Variants in SNX6 observed in about 807,000 individuals in gnomAD.
The protein encoded by SNX6 is sorting nexin 6.
A neutral mutation model predicts 63.0 loss-of-function variants in SNX6; 34 were observed. The observed-to-expected ratio is 0.54, with a 90% CI of 0.41 to 0.72. The LOEUF (loss-of-function observed/expected upper bound fraction) is 0.72, where lower values mean the gene tolerates loss of function less well. SNX6 is among the 30% of genes least tolerant of loss of function. The pLI, the probability that SNX6 is intolerant of heterozygous loss-of-function variation, is 0.00. For synonymous variants in SNX6, 170 were observed against 164.2 expected, an observed-to-expected ratio of 1.04 and a Z score of -0.27; for missense variants, 398 against 471.4, an observed-to-expected ratio of 0.84 and a Z score of 1.44.
chr14:34,607,864 C>T (rs1453471402), intron 4 of SNX6, among the ~76,000 whole-genome samples, 166 bp downstream of exon 4: 2 of 151,992 alleles, frequency 1.3e-5, no homozygotes, highest in South Asian at 2.1e-4. Flanking sequence ...GCCGAGACTG[C>T]GTCACTACAC....
At chr14:34,572,749 C>G (rs559035673) in intron 11 of SNX6, among the ~76,000 whole-genome samples, 5 of 151,906 alleles carry the variant, frequency 3.3e-5, no homozygotes, top group Admixed American at 6.6e-5. Context: ...GGCGCGATCT[C>G]GGCTCACTGC....
intron 8 of SNX6, among the ~76,000 whole-genome samples, chr14:34,587,341 G>C (rs991712884): frequency 6.6e-6 from 1 of 151,728 alleles, no homozygotes; most frequent in Non-Finnish European, 1.5e-5. Flanking sequence ...GACCATCCTG[G>C]CTAACACGGT....
chr14:34,564,948 C>T (rs554753789), intron 13 of SNX6, among the ~76,000 whole-genome samples: 62 of 152,006 alleles, frequency 4.1e-4, no homozygotes, highest in Middle Eastern at 6.9e-3. Flanking sequence ...GTTTCAACAA[C>T]TCCATTATGC....
chr14:34,627,150 T>TA (rs1010702391), intron 2 of SNX6, among the ~76,000 whole-genome samples: 11 of 151,552 alleles, frequency 7.3e-5, no homozygotes, highest in African/African-American at 2.2e-4. Flanking sequence ...TGCCTAAGTT[T>TA]AAAAAAAAAT....
At chr14:34,563,615 G>A (rs757747175) in intron 13 of SNX6, among the ~76,000 whole-genome samples, 9 of 151,254 alleles carry the variant, frequency 6.0e-5, no homozygotes, top group African/African-American at 1.5e-4. Context: ...TGACTTTATC[G>A]ATATATTAGA....
chr14:34,584,746 GA>G (rs201926833), intron 9 of SNX6, among the ~76,000 whole-genome samples: 51 of 150,350 alleles, frequency 3.4e-4, no homozygotes, highest in Admixed American at 4.6e-4. Context: ...TGGGGAGGAA[GA>G]AAAAAAAATA....
intron 11 of SNX6, among the ~76,000 whole-genome samples, chr14:34,573,831 C>T (rs1363459100): frequency 1.3e-5 from 2 of 151,296 alleles, no homozygotes; most frequent in Non-Finnish European, 2.9e-5. Flanking sequence ...TTAGTAGAGA[C>T]GGGGTTTCAC....
chr14:34,625,461 G>C (rs941377690), intron 2 of SNX6, among the ~76,000 whole-genome samples: 2 of 152,042 alleles, frequency 1.3e-5, no homozygotes, highest in Non-Finnish European at 2.9e-5. Context: ...GGCCGGGCGC[G>C]GTGGCTCACA....
chr14:34,593,190 T>G, intron 7 of SNX6, 40 bp from the exon 8 acceptor site: 1 of 1,282,996 alleles, frequency 7.8e-7, no homozygotes, highest in Non-Finnish European at 1.1e-6. Context: ...TTTCACTTAT[T>G]TGCTTTAGTT....
chr14:34,603,245 C>G, intron 6 of SNX6, 103 bp downstream of exon 6: 1 of 1,121,648 alleles, frequency 8.9e-7, no homozygotes, highest in Non-Finnish European at 1.2e-6. Flanking sequence ...GCCACTATGC[C>G]ACTGTACTCC....
chr14:34,596,858 C>T (rs1225153380), intron 7 of SNX6, among the ~76,000 whole-genome samples: 2 of 151,744 alleles, frequency 1.3e-5, no homozygotes, highest in South Asian at 2.1e-4. Flanking sequence ...TTAGTAGAGA[C>T]GGGGTTTCAC....
chr14:34,593,738 A>ATT (rs200541680), intron 7 of SNX6, among the ~76,000 whole-genome samples: 128 of 144,270 alleles, frequency 8.9e-4, no homozygotes, highest in East Asian at 1.2e-3. Flanking sequence ...CGCCCAGCTA[A>ATT]TTTTTTTTTT....
rs762864087 is a variant in SNX6, at chr14:34,603,415, C to A, written c.449G>T (p.Arg150Leu). The A allele has an allele frequency of 6.2e-6, 10 of 1,609,824 alleles. No homozygotes were observed. Among genetic ancestry groups the A allele is most frequent in the African/African-American group, 1.3e-5 (1 of 74,850 alleles). Residue 150 changes from arginine to leucine, a missense_variant, in exon 6 of 14, where the codon CGT (arginine) becomes CTT (leucine). Coordinates refer to ENST00000362031, the MANE Select transcript of SNX6 (RefSeq NM_152233.4). ...TVAMHEVFLC[R>L]VAAHPILRRD... ...TCTCAAAATAGGATGTGCTGCCACA[C>A]GACACAGGAACACTTCATGCATCGC...
chr14:34,562,887 A>G lies in SNX6; in HGVS notation c.*235T>C. 1 of 506,848 alleles carries G rather than the reference A, an allele frequency of 2.0e-6. No homozygotes were observed. The highest frequency in any genetic ancestry group is 3.2e-5 in the East Asian group (1 of 31,070). 31.4% of individuals were successfully genotyped at this position (506,848 alleles called of 1,614,324 possible). A position where few individuals can be genotyped will look rare whatever the true frequency, so the allele number is the denominator to read the frequency against. On this transcript the variant is annotated 3_prime_UTR_variant, in exon 14 of 14. Coordinates refer to ENST00000362031, the MANE Select transcript of SNX6 (RefSeq NM_152233.4). ...AATGAACTTTGGACTTCTGAGTATG[A>G]CGAGTGCACGATGATGGACCACTGT... is the stretch of plus-strand genomic sequence containing the variant.
At chr14:34,574,850 G>A (rs1205320923) in intron 11 of SNX6, among the ~76,000 whole-genome samples, 2 of 150,340 alleles carry the variant, frequency 1.3e-5, no homozygotes, top group Non-Finnish European at 3.0e-5. Flanking sequence ...AAGCCACTGC[G>A]CCCGGCCAGC....
chr14:34,581,441 G>A (rs1335301226), intron 10 of SNX6, 120 bp downstream of exon 10: 3 of 520,938 alleles, frequency 5.8e-6, no homozygotes, highest in East Asian at 2.8e-5. Flanking sequence ...CACGAGCCAC[G>A]TGCCTGGCCA....
chr14:34,587,127 GAACT>G (rs1174212204), intron 8 of SNX6, among the ~76,000 whole-genome samples: 2 of 149,986 alleles, frequency 1.3e-5, no homozygotes, highest in Non-Finnish European at 3.0e-5. Context: ...ATAATTACTA[GAACT>G]AATAAGTGAG....
At chr14:34,576,010 G>A (rs989940777) in intron 10 of SNX6, among the ~76,000 whole-genome samples, 168 bp from the exon 11 acceptor site, 10 of 150,266 alleles carry the variant, frequency 6.7e-5, no homozygotes, top group African/African-American at 1.5e-4. Context: ...TGCAAGCTCC[G>A]CCTCCTGGGT....
intron 8 of SNX6, 114 bp from the exon 9 acceptor site, chr14:34,586,419 C>G (rs552641625): frequency 1.8e-6 from 1 of 562,678 alleles, no homozygotes; most frequent in Non-Finnish European, 3.1e-6. Flanking sequence ...AAGAAAATAA[C>G]GCAAGCAACA....
Sources: gnomAD v4.1 joint callset for allele counts (sites outside exome capture counted in the v4.1 genomes callset) on GRCh38, gnomAD v4.1.1 for gene constraint, MANE v1.5 for transcripts, NCBI Gene and HGNC (gene_info 2026-07-23, HGNC 2026-07-21) for gene names.